The following VWA7 variants were observed in gnomAD, a reference collection of about 807,000 sequenced individuals.
VWA7 encodes von Willebrand factor A domain-containing protein 7.
A neutral mutation model predicts 83.1 loss-of-function variants in VWA7; 66 were observed. The ratio of observed to expected loss-of-function variants is 0.79; its 90% confidence interval spans 0.65 to 0.98. VWA7 has a LOEUF of 0.98. VWA7 is among the 50% of genes least tolerant of loss of function. The pLI is 0.00. For synonymous variants in VWA7, 424 were observed against 488.5 expected, an observed-to-expected ratio of 0.87 and a Z score of 1.74; for missense variants, 1,080 against 1,160.2, an observed-to-expected ratio of 0.93 and a Z score of 1.00.
rs1457575944 is a variant in VWA7 at position 31,769,997 on chromosome 6, A to G, written c.1200+4T>C. On this transcript the variant is annotated splice_donor_region_variant and intron_variant, in intron 8 of 16. Coordinates refer to ENST00000375688, the MANE Select transcript of VWA7 (RefSeq NM_025258.3). This position sits in a 1 kb window ranked among gnomAD's most constrained non-coding sequence, Gnocchi z 4.5. ...GGAAACGGGGAAGAAGGGAGGGGCCAGACCTGCAGGGCTGACAGGCACATC... is the reference window on the plus strand; with the variant it reads ...GGAAACGGGGAAGAAGGGAGGGGCCGGACCTGCAGGGCTGACAGGCACATC... The G allele has an allele frequency of 6.2e-7, 1 of 1,612,646 alleles. No individual in the cohort carries two copies. The highest frequency in any genetic ancestry group is 1.1e-5 in the South Asian group (1 of 91,054).
At chr6:31,774,461 C>A (rs1812497554) in intron 5 of VWA7, 55 bp downstream of exon 5, 5 of 1,526,646 alleles carry the variant, frequency 3.3e-6, no homozygotes, top group Non-Finnish European at 3.6e-6. Context: ...GGACAGAGAT[C>A]CTGTAAGGGA....
At position 31,765,735 on chromosome 6, in the gene VWA7, C is replaced by G; in HGVS notation, c.2535G>C (p.Pro845=). Residue 845 remains proline, a synonymous_variant, in exon 17 of 17, where the codon CCG becomes CCC. Coordinates refer to ENST00000375688, the MANE Select transcript of VWA7 (RefSeq NM_025258.3). ...RHTTPTGSSD[P]ILTTATPAFS... ...AGGCAGGGGTGGCCGTGGTGAGGAT[C>G]GGGTCAGATGAGCCGGTAGGGGTGG... 3 of 1,593,318 alleles carry G rather than the reference C, an allele frequency of 1.9e-6. No individual in the cohort carries two copies. Among genetic ancestry groups the G allele is most frequent in the Non-Finnish European group, 2.6e-6 (3 of 1,170,216 alleles).
chr6:31,776,158 C>T lies in VWA7; in HGVS notation c.319G>A (p.Val107Met). Residue 107 changes from valine to methionine, a missense_variant, in exon 3 of 17, where the codon GTG becomes ATG. Transcript: ENST00000375688. The surrounding 1 kb of genome is among the most constrained non-coding windows in gnomAD (Gnocchi z 6.2). ...SRRFRAALGE[V>M]SRANAAQDFL... ...TCCTGGGCTGCATTGGCACGAGACACCTCACCTAAGGCTGCTCGGAACCGC... is the reference window on the plus strand; with the variant it reads ...TCCTGGGCTGCATTGGCACGAGACATCTCACCTAAGGCTGCTCGGAACCGC... 6.2e-7 allele frequency: 1 copy of T among 1,614,016 alleles called. No homozygotes were observed. The highest frequency in any genetic ancestry group is 8.5e-7 in the Non-Finnish European group (1 of 1,179,994).
rs1193283051 is a variant in VWA7 at position 31,777,012 on chromosome 6, C to A, written c.-16+97G>T. On this transcript the variant is annotated intron_variant, in intron 1 of 16. Transcript: ENST00000375688. The surrounding 1 kb of genome is among the most constrained non-coding windows in gnomAD (Gnocchi z 5.8). ...GGAGAGGGGTCCAAGGTTCCTCCCC[C>A]ACGCCCCCCTCCCCAGTCCCTGGCT... 7.1e-6 allele frequency: 3 copies of A among 419,788 alleles called. No homozygotes were observed. The highest frequency in any genetic ancestry group is 7.0e-5 in the East Asian group (2 of 28,568). The allele number at this position is 419,788 out of a possible 1,614,324, so 26.0% of individuals were successfully genotyped here.
Position 31,777,157 on chromosome 6 carries a change from G to A in VWA7, c.-64C>T. On this transcript the variant is annotated 5_prime_UTR_variant, in exon 1 of 17. Transcript: ENST00000375688. The surrounding 1 kb of genome is among the most constrained non-coding windows in gnomAD (Gnocchi z 5.8). Reference sequence around the variant, plus strand: ...GGGCTGGCCCGGGCTTGACGTCACAGGGCACTTAGGTCAGAGTTATAATTA... The same window carrying A: ...GGGCTGGCCCGGGCTTGACGTCACAAGGCACTTAGGTCAGAGTTATAATTA... The A allele has an allele frequency of 5.6e-6, 2 of 357,434 alleles. No individual in the cohort carries two copies. Among genetic ancestry groups the A allele is most frequent in the Non-Finnish European group, 1.0e-5 (2 of 197,388 alleles). 22.1% of individuals were successfully genotyped at this position (357,434 alleles called of 1,614,324 possible). A position where few individuals can be genotyped will look rare whatever the true frequency, so the allele number is the denominator to read the frequency against.
At position 31,777,253 on chromosome 6, in the gene VWA7, G is replaced by A. The variant is rs1812775914; in HGVS notation, c.-160C>T. 2.0e-5 allele frequency: 9 copies of A among 459,106 alleles called. No homozygotes were observed. The highest frequency in any genetic ancestry group is 1.6e-4 in the South Asian group (5 of 31,932). 28.4% of individuals were successfully genotyped at this position (459,106 alleles called of 1,614,324 possible). A position where few individuals can be genotyped will look rare whatever the true frequency, so the allele number is the denominator to read the frequency against. On this transcript the variant is annotated 5_prime_UTR_variant, in exon 1 of 17. Coordinates refer to ENST00000375688, the MANE Select transcript of VWA7 (RefSeq NM_025258.3). The surrounding 1 kb of genome is among the most constrained non-coding windows in gnomAD (Gnocchi z 5.8). ...AGGACAGGCAACCCCTGGCCCTTTC[G>A]CTCCTGCCTGCCCAAAGCCACAGGC...
At position 31,767,487 on chromosome 6, in the gene VWA7, C is replaced by T; in HGVS notation, c.1664G>A (p.Gly555Glu). The T allele has an allele frequency of 6.2e-7, 1 of 1,611,490 alleles. No individual in the cohort carries two copies. The change falls in exon 12 of 17, where the codon GGG (glycine) becomes GAG (glutamate). Residue 555 changes from glycine (G) to glutamate (E), a missense_variant. By Grantham distance (98) the Gly-to-Glu change is moderately conservative. Coordinates refer to ENST00000375688, the MANE Select transcript of VWA7 (RefSeq NM_025258.3). ...AGVSQGQEEG[G>E]GPLGHTRRFG... ...GCGGCGAGTGTGACCTAGAGGACCC[C>T]CGCCTTCCTCCTGGCCCTGGGAGAC...
At position 31,776,439 on chromosome 6, in the gene VWA7, T is replaced by G; in HGVS notation, c.234+107A>C. On this transcript the variant is annotated intron_variant, in intron 2 of 16. Coordinates refer to ENST00000375688, the MANE Select transcript of VWA7 (RefSeq NM_025258.3). The surrounding 1 kb of genome is among the most constrained non-coding windows in gnomAD (Gnocchi z 6.2). ...CTACTGGGTATTATTGCTGCAGGGG[T>G]GGGGCCATGGGTGTCTCTTCTCTTG... 1 of 1,227,194 alleles carries G rather than the reference T, an allele frequency of 8.1e-7. No homozygotes were observed. Among genetic ancestry groups the G allele is most frequent in the Non-Finnish European group, 1.1e-6 (1 of 895,414 alleles). The allele number at this position is 1,227,194 out of a possible 1,614,324, so 76.0% of individuals were successfully genotyped here.
intron 7 of VWA7, among the ~76,000 whole-genome samples, chr6:31,771,077 A>C (rs1812140984): frequency 6.6e-6 from 1 of 152,182 alleles, no homozygotes; most frequent in East Asian, 1.9e-4. Flanking sequence ...AAGAGACCGA[A>C]TAGCACTTAC....
chr6:31,768,613 C>T (rs1390572989), intron 10 of VWA7, among the ~76,000 whole-genome samples: 2 of 152,048 alleles, frequency 1.3e-5, no homozygotes, highest in Non-Finnish European at 2.9e-5. Context: ...CCAAGGTAGG[C>T]GGATCACTTG....
In VWA7 at chr6:31,767,357, C is replaced by T; in HGVS notation, c.1789+5G>A. ...TCCCCTTCCCAGGAACACCTCCCTCCTTACCTTGCACTCTCACCCCAGGGG... is the reference window on the plus strand; with the variant it reads ...TCCCCTTCCCAGGAACACCTCCCTCTTTACCTTGCACTCTCACCCCAGGGG... On this transcript the variant is annotated splice_donor_5th_base_variant and intron_variant, in intron 12 of 16. Transcript: ENST00000375688. 10 of 1,612,928 alleles carry T rather than the reference C, an allele frequency of 6.2e-6. No homozygotes were observed. The highest frequency in any genetic ancestry group is 1.1e-5 in the South Asian group (1 of 91,064).
chr6:31,776,757 TG>T lies in VWA7; in HGVS notation c.22del (p.Gln8AsnfsTer41). The T allele has an allele frequency of 6.9e-7, 1 of 1,445,036 alleles. No individual in the cohort carries two copies. The highest frequency in any genetic ancestry group is 9.2e-7 in the Non-Finnish European group (1 of 1,092,204). 89.5% of individuals were successfully genotyped at this position (1,445,036 alleles called of 1,614,324 possible). A position where few individuals can be genotyped will look rare whatever the true frequency, so the allele number is the denominator to read the frequency against. On this transcript the variant is annotated frameshift_variant, in exon 2 of 17. Transcript: ENST00000375688. LOFTEE classifies it high-confidence loss of function. The surrounding 1 kb of genome is among the most constrained non-coding windows in gnomAD (Gnocchi z 6.2). MLPTEVP[Q>X]SHPGPSALLL... ...CAACGCTGAGGGGCCCGGGTGGGATTGGGGGACCTCCGTGGGGAGCATGGCT... is the reference window on the plus strand; with the variant it reads ...CAACGCTGAGGGGCCCGGGTGGGATTGGGGACCTCCGTGGGGAGCATGGCT...
intron 13 of VWA7, 102 bp downstream of exon 13, chr6:31,767,056 T>G (rs1032989752): frequency 4.4e-5 from 16 of 361,284 alleles, no homozygotes; most frequent in Middle Eastern, 7.5e-4. Flanking sequence ...TATGTATACA[T>G]ATATACATTA....
Position 31,776,769 on chromosome 6 carries a change from G to C in VWA7, c.11C>G (p.Thr4Arg). 1 of 1,434,290 alleles carries C rather than the reference G, an allele frequency of 7.0e-7. No individual in the cohort carries two copies. The highest frequency in any genetic ancestry group is 9.2e-7 in the Non-Finnish European group (1 of 1,087,722). 88.8% of individuals were successfully genotyped at this position (1,434,290 alleles called of 1,614,324 possible). A position where few individuals can be genotyped will look rare whatever the true frequency, so the allele number is the denominator to read the frequency against. The part of the protein sequence containing the change: MLP[T>R]EVPQSHPGPS... The stretch of plus-strand genomic sequence containing the variant: ...GCCCGGGTGGGATTGGGGGACCTCC[G>C]TGGGGAGCATGGCTGAGACATGGAC... The change falls in exon 2 of 17, where the codon ACG (threonine) becomes AGG (arginine). Residue 4 changes from threonine to arginine, a missense_variant. By Grantham distance (71) the Thr-to-Arg change is moderately conservative (BLOSUM62 -1). Coordinates refer to ENST00000375688, the MANE Select transcript of VWA7 (RefSeq NM_025258.3). The surrounding 1 kb of genome is among the most constrained non-coding windows in gnomAD (Gnocchi z 6.2).
intron 10 of VWA7, among the ~76,000 whole-genome samples, chr6:31,768,106 C>A (rs1232846151): frequency 1.5e-5 from 2 of 135,874 alleles, no homozygotes; most frequent in Non-Finnish European, 3.1e-5. Context: ...TACCATTGCA[C>A]TCCAGCCTGG....
chr6:31,769,281 G>A lies in VWA7; in HGVS notation c.1318-78C>T, dbSNP rs1811942079. ...TATGAATGAGAATCCCTGTGCTCAA[G>A]CTTTCTCCAGAGCTGATGGTTTGTG... On this transcript the variant is annotated intron_variant, in intron 9 of 16. Coordinates refer to ENST00000375688, the MANE Select transcript of VWA7 (RefSeq NM_025258.3). This position sits in a 1 kb window ranked among gnomAD's most constrained non-coding sequence, Gnocchi z 4.5. The A allele has an allele frequency of 8.0e-6, 12 of 1,508,498 alleles. No individual in the cohort carries two copies. The highest frequency in any genetic ancestry group is 1.1e-5 in the Non-Finnish European group (12 of 1,116,416). The allele number at this position is 1,508,498 out of a possible 1,614,324, so 93.4% of individuals were successfully genotyped here.
In VWA7 at chr6:31,774,584, G is replaced by C; in HGVS notation, c.653C>G (p.Pro218Arg). ...TCSDCEELSC[P>R]RNWLGFTLLT... ...GAGTGTGAAGCCCAGCCAATTCCTG[G>C]GGCAGCTCAACTCCTCGCAATCGGA... is the stretch of plus-strand genomic sequence containing the variant. Residue 218 changes from proline (P) to arginine (R), a missense_variant, in exon 5 of 17, where the codon CCC becomes CGC. Pro to Arg is a moderately radical substitution (Grantham distance 103, BLOSUM62 -2). Transcript: ENST00000375688. The C allele has an allele frequency of 6.2e-7, 1 of 1,612,780 alleles. No homozygotes were observed. Among genetic ancestry groups the C allele is most frequent in the African/African-American group, 1.3e-5 (1 of 74,980 alleles).
rs1812518685 is a variant in VWA7, at chr6:31,774,641, C to T, written c.611-15G>A. The T allele has an allele frequency of 1.2e-6, 2 of 1,607,862 alleles. No homozygotes were observed. Among genetic ancestry groups the T allele is most frequent in the African/African-American group, 1.3e-5 (1 of 74,852 alleles). ...AGGATCGGCCACTGGGAAGAGAGGG[C>T]AGGGCTAGAACCCAAGATTCTGCCA... On this transcript the variant is annotated splice_polypyrimidine_tract_variant and intron_variant, in intron 4 of 16. Transcript: ENST00000375688.
At chr6:31,774,753 A>C in intron 4 of VWA7, 127 bp from the exon 5 acceptor site, 1 of 708,712 alleles carries the variant, frequency 1.4e-6, no homozygotes. Context: ...TTCCCTAGCA[A>C]AGCTTTCTGA....
Sources: gnomAD v4.1 joint callset for allele counts (sites outside exome capture counted in the v4.1 genomes callset) on GRCh38, gnomAD v4.1.1 for gene constraint, Gnocchi (gnomAD v3.1) non-coding constraint, MANE v1.5 for transcripts, NCBI Gene and HGNC (gene_info 2026-07-23, HGNC 2026-07-21) for gene names.